AMZ2: variants seen among roughly 807,000 people sequenced by gnomAD.
The protein encoded by AMZ2 is archaemetzincin-2.
In AMZ2, 26 loss-of-function variants were observed where a neutral mutation model predicts 36.7. The ratio of observed to expected loss-of-function variants is 0.71; its 90% CI spans 0.52 to 0.98. AMZ2 has a LOEUF of 0.98. AMZ2 is among the 50% of genes least tolerant of loss of function. AMZ2 has a pLI of 0.00. For synonymous variants in AMZ2, 144 were observed against 149.1 expected (o/e 0.97, Z 0.25); for missense variants, 394 against 430.5 (o/e 0.92, Z 0.75).
chr17:68,209,587 T>G (rs1242072357), intron 1 of AMZ2, among the ~76,000 whole-genome samples: 2 of 105,980 alleles, frequency 1.9e-5, no homozygotes, highest in African/African-American at 4.0e-5. Flanking sequence ...TGTGGGTGTG[T>G]GTGTGTGTGT....
At chr17:68,208,183 G>T (rs1436254585) in intron 1 of AMZ2, among the ~76,000 whole-genome samples, 1 of 152,216 alleles carries the variant, frequency 6.6e-6, no homozygotes, top group African/African-American at 2.4e-5. Flanking sequence ...GACCACCCTA[G>T]GGCTGAGAAG....
chr17:68,213,437 A>G (rs1231637405), intron 1 of AMZ2, among the ~76,000 whole-genome samples: 1 of 152,262 alleles, frequency 6.6e-6, no homozygotes, highest in Non-Finnish European at 1.5e-5. Context: ...ATTAGGTCAC[A>G]TGAAAAAATC....
chr17:68,215,146 A>G (rs578230027), intron 1 of AMZ2, among the ~76,000 whole-genome samples: 6 of 152,200 alleles, frequency 3.9e-5, no homozygotes, highest in Non-Finnish European at 7.3e-5. Context: ...GAAATCTGTC[A>G]CCTTAACCCA....
chr17:68,247,989 A>AGCGGC (rs1298862073), upstream of AMZ2: 2 of 985,564 alleles, frequency 2.0e-6, no homozygotes, highest in Admixed American at 1.2e-4. Context: ...TGCGCGACGC[A>AGCGGC]GCGGCGCGGC....
In AMZ2 at chr17:68,248,154, C is replaced by T. The variant is rs2074142236; in HGVS notation, c.-552C>T. ...TGCTGTCAGAGCTGGGCCGGGGCCCCTAGGCAGGGTAGCCGGGTCGTAGAG... is the reference window on the plus strand; with the variant it reads ...TGCTGTCAGAGCTGGGCCGGGGCCCTTAGGCAGGGTAGCCGGGTCGTAGAG... On this transcript the variant is annotated 5_prime_UTR_variant, in exon 1 of 7. Transcript: ENST00000359904. 1.0e-6 allele frequency: 1 copy of T among 986,404 alleles called. No individual in the cohort carries two copies. Among genetic ancestry groups the T allele is most frequent in the Non-Finnish European group, 1.2e-6 (1 of 830,658 alleles). The allele number at this position is 986,404 out of a possible 1,614,324, so 61.1% of individuals were successfully genotyped here. A position where few individuals can be genotyped will look rare whatever the true frequency, so the allele number is the denominator to read the frequency against.
intron 1 of AMZ2, among the ~76,000 whole-genome samples, chr17:68,219,879 C>G (rs1399908291): frequency 6.6e-6 from 1 of 152,108 alleles, no homozygotes; most frequent in Non-Finnish European, 1.5e-5. Flanking sequence ...ATTCTTAGCT[C>G]CTCCACTCCA....
At chr17:68,216,373 A>G (rs1173739258) in intron 1 of AMZ2, among the ~76,000 whole-genome samples, 3 of 152,144 alleles carry the variant, frequency 2.0e-5, no homozygotes, top group Admixed American at 1.3e-4. Flanking sequence ...GGTTCAAGCA[A>G]TCCTCCCACC....
At chr17:68,247,803 G>A, upstream of AMZ2, 2 of 985,596 alleles carry the variant, frequency 2.0e-6, no homozygotes, top group Non-Finnish European at 2.4e-6. Context: ...GCGAGCGCAA[G>A]CGAGGAATCG....
At chr17:68,209,632 A>ATATATATATATATATGTATATATATTT in intron 1 of AMZ2, among the ~76,000 whole-genome samples, 105 of 90,558 alleles carry the variant, frequency 1.2e-3, no homozygotes, top group East Asian at 8.0e-3. Context: ...ATATATATAT[A>ATATATATATATATATGTATATATATTT]TTTTTTTTTT....
chr17:68,234,542 C>T (rs561629188), intron 1 of AMZ2, among the ~76,000 whole-genome samples: 2 of 152,082 alleles, frequency 1.3e-5, no homozygotes, highest in African/African-American at 4.8e-5. Context: ...GGGAGGATTG[C>T]TTGAGCTCAG....
intron 4 of AMZ2, among the ~76,000 whole-genome samples, chr17:68,251,831 C>G (rs1314716879): frequency 6.6e-6 from 1 of 152,188 alleles, no homozygotes; most frequent in Non-Finnish European, 1.5e-5. Flanking sequence ...TCATAGTCAT[C>G]TTGCACAGTT....
upstream of AMZ2, chr17:68,246,809 C>G (rs2074034361): frequency 6.6e-6 from 1 of 152,214 alleles, no homozygotes; most frequent in African/African-American, 2.4e-5. Context: ...CAAGGGGTTA[C>G]AAATGCTGAA....
At chr17:68,231,258 A>AG (rs1338584828) in intron 1 of AMZ2, among the ~76,000 whole-genome samples, 2 of 151,480 alleles carry the variant, frequency 1.3e-5, no homozygotes, top group Non-Finnish European at 2.9e-5. Flanking sequence ...TTTAGTAGAG[A>AG]GGGTTTTCTC....
intron 1 of AMZ2, among the ~76,000 whole-genome samples, chr17:68,217,571 T>A (rs1198093286): frequency 1.3e-5 from 2 of 152,230 alleles, no homozygotes; most frequent in Admixed American, 6.5e-5. Context: ...ATTTTACATC[T>A]TTTATGAAAA....
chr17:68,210,805 A>C (rs1288690636), intron 1 of AMZ2, among the ~76,000 whole-genome samples: 1 of 151,898 alleles, frequency 6.6e-6, no homozygotes, highest in East Asian at 1.9e-4. Context: ...AAAATTAGCC[A>C]GGTGTGGTGG....
At chr17:68,251,883 C>T (rs570755767) in intron 4 of AMZ2, among the ~76,000 whole-genome samples, 126 of 152,210 alleles carry the variant, frequency 8.3e-4, no homozygotes, top group African/African-American at 2.8e-3. Flanking sequence ...TCTCATCATA[C>T]GACATTTGTT....
At chr17:68,251,523 T>G (rs2074473695) in intron 4 of AMZ2, 1 of 195,936 alleles carries the variant, frequency 5.1e-6, no homozygotes, top group Non-Finnish European at 1.0e-5. Context: ...CTAAATTAGC[T>G]GGGCATGGTG....
intron 1 of AMZ2, among the ~76,000 whole-genome samples, chr17:68,208,208 G>T (rs547904716): frequency 6.6e-6 from 1 of 152,216 alleles, no homozygotes; most frequent in African/African-American, 2.4e-5. Context: ...GGCACAGGGC[G>T]CGGGACTGGC....
At chr17:68,224,079 T>C (rs1473798008) in intron 1 of AMZ2, among the ~76,000 whole-genome samples, 8 of 151,818 alleles carry the variant, frequency 5.3e-5, no homozygotes, top group Non-Finnish European at 1.0e-4. Flanking sequence ...TTAGTAGAGA[T>C]GGGGTTTCAC....
Sources: gnomAD v4.1 joint callset for allele counts (sites outside exome capture counted in the v4.1 genomes callset) on GRCh38, gnomAD v4.1.1 for gene constraint, MANE v1.5 for transcripts, NCBI Gene and HGNC (gene_info 2026-07-23, HGNC 2026-07-21) for gene names.